SLC25A34: variants seen among roughly 807,000 people sequenced by gnomAD.
The protein encoded by SLC25A34 is solute carrier family 25, member 34.
A neutral mutation model predicts 28.1 loss-of-function variants in SLC25A34; 26 were observed. That is an observed-to-expected ratio of 0.93 (90% CI 0.68 to 1.28). SLC25A34 has a LOEUF of 1.28. SLC25A34 is among the 50% of genes most tolerant of loss of function. SLC25A34 has a pLI of 0.00. For missense variants in SLC25A34, 384 were observed against 409.8 expected, an observed-to-expected ratio of 0.94 and a Z score of 0.54; for synonymous variants, 182 against 182.2, an observed-to-expected ratio of 1.00 and a Z score of 0.01.
rs1473446708 is a variant in SLC25A34, at chr1:15,738,647, C to T, written c.651C>T (p.Ser217=). The change falls in exon 4 of 5, where the codon AGC becomes AGT. Residue 217 remains serine, a synonymous_variant. Transcript: ENST00000294454. ...CCCTGGCTGGGGGCATGATCAGCAG[C>T]ATAGCCGTGGTTGTCGTCATGACTC... The part of the protein sequence containing the change: ...LVALAGGMIS[S]IAVVVVMTPF... The T allele has an allele frequency of 1.1e-5, 18 of 1,609,440 alleles. No individual in the cohort carries two copies. Among genetic ancestry groups the T allele is most frequent in the Non-Finnish European group, 1.5e-5 (18 of 1,179,052 alleles).
In SLC25A34 at chr1:15,738,076, G is replaced by A. The variant is rs773871259; in HGVS notation, c.445-17G>A. 9.3e-6 allele frequency: 15 copies of A among 1,611,202 alleles called. No homozygotes were observed. In the Admixed American group the frequency reaches 1.0e-4, roughly 11 times the overall value. On this transcript the variant is annotated splice_polypyrimidine_tract_variant and intron_variant, in intron 2 of 4. Coordinates refer to ENST00000294454, the MANE Select transcript of SLC25A34 (RefSeq NM_207348.3). Reference sequence around the variant, plus strand: ...CTAGGCAGGGGTGGCCAGTGACCCCGTGCCCTCTCCCCACAGACTGTCCTG... The same window carrying A: ...CTAGGCAGGGGTGGCCAGTGACCCCATGCCCTCTCCCCACAGACTGTCCTG...
At chr1:15,738,787 C>A in intron 4 of SLC25A34, 59 bp downstream of exon 4, 2 of 1,402,686 alleles carry the variant, frequency 1.4e-6, no homozygotes, top group Non-Finnish European at 1.9e-6. Flanking sequence ...CCCCAACACA[C>A]ACACACACAC....
chr1:15,736,920 G>T, intron 1 of SLC25A34, 57 bp downstream of exon 1: 1 of 1,449,644 alleles, frequency 6.9e-7, no homozygotes, highest in Non-Finnish European at 9.1e-7. Flanking sequence ...AGCTCCCACA[G>T]GGGCCCTGCA....
chr1:15,737,868 A>T (rs2068240233), intron 1 of SLC25A34, 61 bp from the exon 2 acceptor site: 1 of 1,596,658 alleles, frequency 6.3e-7, no homozygotes, highest in African/African-American at 1.3e-5. Flanking sequence ...CTCAACACAC[A>T]CAGCTCACCC....
Position 15,739,479 on chromosome 1 carries a change from T to C in SLC25A34, c.*73T>C. ...AAGTGAGAGCCTGCTCCAGGACAAC[T>C]GGCTGTCCCGGGGCGGGCCATGGGC... On this transcript the variant is annotated 3_prime_UTR_variant, in exon 5 of 5. Transcript: ENST00000294454. 4 of 1,465,580 alleles carry C rather than the reference T, an allele frequency of 2.7e-6. No individual in the cohort carries two copies. Among genetic ancestry groups the C allele is most frequent in the Non-Finnish European group, 3.6e-6 (4 of 1,108,706 alleles). 90.8% of individuals were successfully genotyped at this position (1,465,580 alleles called of 1,614,324 possible).
At chr1:15,738,781 A>AACACACAC (rs71002925) in intron 4 of SLC25A34, 53 bp downstream of exon 4, 1 of 1,333,568 alleles carries the variant, frequency 7.5e-7, no homozygotes, top group South Asian at 1.6e-5. Flanking sequence ...GCACCCCCCC[A>AACACACAC]ACACACACAC....
intron 4 of SLC25A34, 185 bp downstream of exon 4, chr1:15,738,913 G>A: frequency 1.4e-6 from 1 of 738,212 alleles, no homozygotes; most frequent in Non-Finnish European, 2.0e-6. Context: ...CCCAGGCACA[G>A]GCTAAGCACT....
chr1:15,738,804 T>A (rs577786401), intron 4 of SLC25A34, 76 bp downstream of exon 4: 46 of 1,269,896 alleles, frequency 3.6e-5, no homozygotes, highest in Admixed American at 2.1e-4. Flanking sequence ...ACACACACAC[T>A]CTCACACACT....
chr1:15,736,537 T>C lies in SLC25A34; in HGVS notation c.52T>C (p.Cys18Arg). ...VDLVLGASAC[C>R]LACVFTNPLE... ...CCTGGTGCTGGGTGCTTCTGCCTGC[T>C]GCCTGGCCTGTGTCTTCACCAACCC... Residue 18 changes from cysteine (C) to arginine (R), a missense_variant, in exon 1 of 5, where the codon TGC (cysteine) becomes CGC (arginine). Cys to Arg is a radical substitution (Grantham distance 180, BLOSUM62 -3). Transcript: ENST00000294454. The C allele has an allele frequency of 5.5e-6, 8 of 1,451,622 alleles. 1 individual carries two copies. In the South Asian group the frequency reaches 1.0e-4, roughly 19 times the overall value. 89.9% of individuals were successfully genotyped at this position (1,451,622 alleles called of 1,614,324 possible). A position where few individuals can be genotyped will look rare whatever the true frequency, so the allele number is the denominator to read the frequency against.
Position 15,739,517 on chromosome 1 carries a change from A to G in SLC25A34, c.*111A>G. 3.8e-6 allele frequency: 5 copies of G among 1,314,614 alleles called. No homozygotes were observed. Among genetic ancestry groups the G allele is most frequent in the Non-Finnish European group, 5.0e-6 (5 of 992,506 alleles). The allele number at this position is 1,314,614 out of a possible 1,614,324, so 81.4% of individuals were successfully genotyped here. ...GCGGGCCATGGGCCCAGGCCCTGCC[A>G]GAGGTCCCGGGAGAGTGTGGACAGC... On this transcript the variant is annotated 3_prime_UTR_variant, in exon 5 of 5. Transcript: ENST00000294454.
chr1:15,739,500 TG>T lies in SLC25A34; in HGVS notation c.*97del, dbSNP rs2068260884. 1 of 1,416,074 alleles carries T rather than the reference TG, an allele frequency of 7.1e-7. No homozygotes were observed. Among genetic ancestry groups the T allele is most frequent in the African/African-American group, 1.5e-5 (1 of 68,736 alleles). The allele number at this position is 1,416,074 out of a possible 1,614,324, so 87.7% of individuals were successfully genotyped here. ...CAACTGGCTGTCCCGGGGCGGGCCA[TG>T]GGCCCAGGCCCTGCCAGAGGTCCCG... On this transcript the variant is annotated 3_prime_UTR_variant, in exon 5 of 5. Transcript: ENST00000294454.
At position 15,736,591 on chromosome 1, in the gene SLC25A34, C is replaced by G. The variant is rs1427671453; in HGVS notation, c.106C>G (p.Leu36Val). The G allele has an allele frequency of 6.5e-7, 1 of 1,536,152 alleles. No individual in the cohort carries two copies. Among genetic ancestry groups the G allele is most frequent in the Admixed American group, 2.1e-5 (1 of 47,370 alleles). Reference protein sequence around the residue: ...PLEVVKTRLQLQGELQARGTY... With the variant: ...PLEVVKTRLQVQGELQARGTY... ...GGAGGTGGTGAAGACGCGGCTGCAG[C>G]TGCAGGGGGAGCTGCAGGCCCGGGG... Residue 36 changes from leucine to valine, a missense_variant, in exon 1 of 5, where the codon CTG (leucine) becomes GTG (valine). Physicochemically the swap from Leu to Val is conservative, Grantham distance 32. Coordinates refer to ENST00000294454, the MANE Select transcript of SLC25A34 (RefSeq NM_207348.3).
At position 15,739,933 on chromosome 1, in the gene SLC25A34, G is replaced by A. The variant is rs2068264397; in HGVS notation, c.*527G>A. ...TGACTGTGACAGGCCCATGGGCCCG[G>A]ACTGCCCATAGGGGTCACTGTACCA... On this transcript the variant is annotated 3_prime_UTR_variant, in exon 5 of 5. Coordinates refer to ENST00000294454, the MANE Select transcript of SLC25A34 (RefSeq NM_207348.3). 6.6e-6 allele frequency: 1 copy of A among 152,324 alleles called. No homozygotes were observed. The highest frequency in any genetic ancestry group is 1.5e-5 in the Non-Finnish European group (1 of 68,112). The allele number at this position is 152,324 out of a possible 1,614,324, so 9.4% of individuals were successfully genotyped here.
chr1:15,736,710 C>CG lies in SLC25A34; in HGVS notation c.227dup (p.Leu77ProfsTer127). On this transcript the variant is annotated frameshift_variant, in exon 1 of 5. Transcript: ENST00000294454. LOFTEE classifies it high-confidence loss of function. ...GGGGCCTGCAGAAGGGGCTGGCTGC[C>CG]GGCCTTCTGTACCAAGGCCTCATGA... 1 of 1,609,600 alleles carries CG rather than the reference C, an allele frequency of 6.2e-7. No individual in the cohort carries two copies. The highest frequency in any genetic ancestry group is 8.5e-7 in the Non-Finnish European group (1 of 1,179,200).
At chr1:15,737,903 C>T in intron 1 of SLC25A34, 26 bp from the exon 2 acceptor site, 1 of 1,613,820 alleles carries the variant, frequency 6.2e-7, no homozygotes, top group Non-Finnish European at 8.5e-7. Flanking sequence ...TCCATCCCCA[C>T]ACCCGTGTCC....
In SLC25A34 at chr1:15,737,978, A is replaced by C. The variant is rs1454357275; in HGVS notation, c.428A>C (p.His143Pro). 6.2e-7 allele frequency: 1 copy of C among 1,613,748 alleles called. No individual in the cohort carries two copies. Among genetic ancestry groups the C allele is most frequent in the African/African-American group, 1.3e-5 (1 of 75,060 alleles). The change falls in exon 2 of 5, where the codon CAC becomes CCC. Residue 143 changes from histidine to proline, a missense_variant. Physicochemically the swap from His to Pro is moderately conservative, Grantham distance 77. Transcript: ENST00000294454. ...AQTVAAVAVG[H>P]QHNHQTVLGA... ...ACAGTGGCCGCAGTGGCCGTGGGAC[A>C]CCAGCACAATCACCAGGTGAGGCCT...
At chr1:15,738,374 C>A in intron 3 of SLC25A34, 129 bp downstream of exon 3, 1 of 1,357,284 alleles carries the variant, frequency 7.4e-7, no homozygotes, top group East Asian at 2.5e-5. Flanking sequence ...CCCTCAGAGT[C>A]GTGACTCCGG....
chr1:15,737,317 C>T (rs1277844263), intron 1 of SLC25A34, among the ~76,000 whole-genome samples: 1 of 152,094 alleles, frequency 6.6e-6, no homozygotes, highest in Non-Finnish European at 1.5e-5. Context: ...GCCTGTAATC[C>T]CAGCACTTTG....
chr1:15,736,329 C>T lies in SLC25A34; in HGVS notation c.-157C>T, dbSNP rs557318398. The T allele has an allele frequency of 4.9e-5, 33 of 676,380 alleles. No individual in the cohort carries two copies. The highest frequency in any genetic ancestry group is 1.3e-4 in the Admixed American group (3 of 23,386). 41.9% of individuals were successfully genotyped at this position (676,380 alleles called of 1,614,324 possible). Reference sequence around the variant, plus strand: ...CCAGGGACACCAGGCAGCCACAGGCCTGTCAGACCAGGACCCTTACCCTCT... The same window carrying T: ...CCAGGGACACCAGGCAGCCACAGGCTTGTCAGACCAGGACCCTTACCCTCT... On this transcript the variant is annotated 5_prime_UTR_variant, in exon 1 of 5. Transcript: ENST00000294454.
Sources: gnomAD v4.1 joint callset for allele counts (sites outside exome capture counted in the v4.1 genomes callset) on GRCh38, gnomAD v4.1.1 for gene constraint, MANE v1.5 for transcripts, NCBI Gene and HGNC (gene_info 2026-07-23, HGNC 2026-07-21) for gene names.